NRG1: variants seen among roughly 807,000 people sequenced by gnomAD.
NRG1 encodes the protein pro-neuregulin-1, membrane-bound isoform.
Under a neutral mutation model 63.8 loss-of-function variants are expected in NRG1, and 18 were observed. The ratio of observed to expected loss-of-function variants is 0.28; its 90% CI spans 0.19 to 0.42. NRG1 has a LOEUF of 0.42. NRG1 is among the 10% of genes least tolerant of loss of function. The pLI is 1.00. For synonymous variants in NRG1, 302 were observed against 301.3 expected, an observed-to-expected ratio of 1.00 and a Z score of -0.02; for missense variants, 762 against 814.7, an observed-to-expected ratio of 0.94 and a Z score of 0.79.
chr8:32,062,221 G>A (rs1368918025), intron 1 of NRG1, among the ~76,000 whole-genome samples: 1 of 152,088 alleles, frequency 6.6e-6, no homozygotes, highest in Non-Finnish European at 1.5e-5. Flanking sequence ...AAGTGTGCCT[G>A]TCACCCCAAC....
intron 1 of NRG1, among the ~76,000 whole-genome samples, chr8:31,664,926 A>G (rs2130959708): frequency 1.3e-5 from 2 of 152,348 alleles, no homozygotes; most frequent in South Asian, 4.1e-4. Context: ...TTAGAAAATA[A>G]CTATCCCATA....
intron 1 of NRG1, among the ~76,000 whole-genome samples, chr8:32,560,752 A>G (rs1386546124): frequency 3.3e-5 from 5 of 152,236 alleles, no homozygotes; most frequent in African/African-American, 1.2e-4. Context: ...TGCTCAGTCC[A>G]CAATTCTTGC....
At chr8:32,116,578 T>G (rs1832741565) in intron 1 of NRG1, among the ~76,000 whole-genome samples, 1 of 152,144 alleles carries the variant, frequency 6.6e-6, no homozygotes, top group African/African-American at 2.4e-5. Context: ...CTCACCTTCA[T>G]TCAACTGTTA....
chr8:32,177,547 C>G (rs1056683280), intron 1 of NRG1, among the ~76,000 whole-genome samples: 1 of 151,876 alleles, frequency 6.6e-6, no homozygotes, highest in Non-Finnish European at 1.5e-5. Context: ...TCCCTTTTCC[C>G]CCCATCCCTT....
chr8:31,852,120 A>G (rs1474993831), intron 1 of NRG1, among the ~76,000 whole-genome samples: 3 of 151,856 alleles, frequency 2.0e-5, no homozygotes, highest in African/African-American at 7.3e-5. Flanking sequence ...TTGGGTATAT[A>G]CCCAGTAATG....
intron 1 of NRG1, among the ~76,000 whole-genome samples, chr8:31,718,933 ATGTATGTATATG>A (rs1449656582): frequency 6.6e-6 from 1 of 152,214 alleles, no homozygotes; most frequent in Admixed American, 6.6e-5. Context: ...ACATGTGTGT[ATGTATGTATATG>A]TGTATGTATA....
rs114708187 is a variant in NRG1 at position 32,386,050 on chromosome 8, A to C, written c.38-209778A>C. Among the ~76,000 whole-genome samples, 498 of 152,296 alleles carry C rather than the reference A, an allele frequency of 3.3e-3. 3 individuals are homozygous for C. Among genetic ancestry groups the C allele is most frequent in the African/African-American group, 0.011 (476 of 41,574 alleles). On this transcript the variant is annotated intron_variant, in intron 1 of 10. Transcript: ENST00000519301. Reference sequence around the variant, plus strand: ...TAGTACCCAGGGCATGATTCTGTCTATGCTGTCATAGGTCTTTAGATTTTA... The same window carrying C: ...TAGTACCCAGGGCATGATTCTGTCTCTGCTGTCATAGGTCTTTAGATTTTA...
At chr8:32,154,277 C>A (rs1415248416) in intron 1 of NRG1, among the ~76,000 whole-genome samples, 1 of 152,090 alleles carries the variant, frequency 6.6e-6, no homozygotes, top group South Asian at 2.1e-4. Flanking sequence ...TCCCCTTCCC[C>A]TTTTGCTCTC....
intron 1 of NRG1, among the ~76,000 whole-genome samples, chr8:32,262,150 A>G (rs536464738): frequency 2.0e-5 from 3 of 152,240 alleles, no homozygotes; most frequent in Non-Finnish European, 4.4e-5. Context: ...TTTGGGGCAC[A>G]GCATTCTTTA....
At chr8:31,883,485 T>C (rs1275365149) in intron 1 of NRG1, among the ~76,000 whole-genome samples, 3 of 152,166 alleles carry the variant, frequency 2.0e-5, no homozygotes. Context: ...CAGTAAGATG[T>C]GTAATGTGTG....
At chr8:32,334,759 T>C (rs1313834586) in intron 1 of NRG1, among the ~76,000 whole-genome samples, 3 of 152,240 alleles carry the variant, frequency 2.0e-5, no homozygotes, top group African/African-American at 7.2e-5. Context: ...TGGTTATTAA[T>C]GTTTTGATAC....
Position 31,887,350 on chromosome 8 carries a change from A to AAG in NRG1, c.37+247920_37+247921dup, listed in dbSNP as rs201151987. On this transcript the variant is annotated intron_variant, in intron 1 of 10. Transcript: ENST00000519301. ...TCACTATTGTTAAAGAGAGAGAAAA[A>AAG]AGGAAGTCCTGTATAATACATCAAT... Among the ~76,000 whole-genome samples the AAG allele has an allele frequency of 1.1e-4, 16 of 152,240 alleles. No individual in the cohort carries two copies. The East Asian group carries it at 3.1e-3, about 29-fold the overall frequency.
At chr8:32,393,811 G>A (rs146977679) in intron 1 of NRG1, among the ~76,000 whole-genome samples, 3 of 151,966 alleles carry the variant, frequency 2.0e-5, no homozygotes, top group Non-Finnish European at 2.9e-5. Context: ...TGATGAAGTG[G>A]TCTGTACAAC....
At chr8:32,518,114 A>G (rs1194705611) in intron 1 of NRG1, among the ~76,000 whole-genome samples, 1 of 152,140 alleles carries the variant, frequency 6.6e-6, no homozygotes, top group African/African-American at 2.4e-5. Context: ...TTCCTAGGCC[A>G]TTGCTGGTGA....
intron 1 of NRG1, among the ~76,000 whole-genome samples, chr8:31,819,490 T>G (rs994190875): frequency 6.6e-6 from 1 of 152,212 alleles, no homozygotes; most frequent in East Asian, 1.9e-4. Context: ...CATTAATTAC[T>G]GGCCATACCC....
intron 5 of NRG1, among the ~76,000 whole-genome samples, chr8:32,712,537 A>G (rs1735759265): frequency 6.6e-6 from 1 of 152,212 alleles, no homozygotes; most frequent in Non-Finnish European, 1.5e-5. Flanking sequence ...CTGGAGAATT[A>G]GAAGTGCTAC....
intron 1 of NRG1, among the ~76,000 whole-genome samples, chr8:32,412,463 T>TATATATATATATATATATAC: frequency 8.7e-6 from 1 of 115,256 alleles, no homozygotes; most frequent in Admixed American, 9.0e-5. Context: ...CATATATATA[T>TATATATATATATATATATAC]ATATATATAT....
At chr8:32,485,083 A>G (rs1825750087) in intron 1 of NRG1, among the ~76,000 whole-genome samples, 1 of 151,944 alleles carries the variant, frequency 6.6e-6, no homozygotes, top group African/African-American at 2.4e-5. Flanking sequence ...CTTCCTCTGC[A>G]GTGCTCAGTA....
At chr8:32,624,681 A>C (rs1848899000) in intron 5 of NRG1, among the ~76,000 whole-genome samples, 1 of 152,168 alleles carries the variant, frequency 6.6e-6, no homozygotes, top group African/African-American at 2.4e-5. Flanking sequence ...AATTACTCTT[A>C]ACAGTGCCCT....
Sources: allele counts gnomAD v4.1 joint callset (sites outside exome capture counted in the v4.1 genomes callset), GRCh38; gene constraint gnomAD v4.1.1; transcripts MANE v1.5; gene names NCBI Gene and HGNC (gene_info 2026-07-23, HGNC 2026-07-21).